TBC1D9: variants seen among roughly 807,000 people sequenced by gnomAD.
The protein encoded by TBC1D9 is TBC1 domain family member 9, also known as TBC1 domain family member 9A.
A neutral mutation model predicts 132.0 loss-of-function variants in TBC1D9; 63 were observed. The observed-to-expected ratio is 0.48, with a 90% confidence interval of 0.39 to 0.59. The LOEUF is 0.59. Ranked by LOEUF, TBC1D9 falls within the 20% of genes least tolerant of loss-of-function variation. The pLI is 0.00. For missense variants in TBC1D9, 1,261 were observed against 1,592.7 expected, an observed-to-expected ratio of 0.79 and a Z score of 3.54; for synonymous variants, 610 against 609.9, an observed-to-expected ratio of 1.00 and a Z score of 0.00.
At chr4:140,691,015 C>T (rs1011001963) in intron 2 of TBC1D9, among the ~76,000 whole-genome samples, 1 of 152,156 alleles carries the variant, frequency 6.6e-6, no homozygotes, top group African/African-American at 2.4e-5. Flanking sequence ...ATATTTACTG[C>T]ACAAATGCAC....
At chr4:140,690,772 T>C (rs555482991) in intron 2 of TBC1D9, among the ~76,000 whole-genome samples, 4 of 152,164 alleles carry the variant, frequency 2.6e-5, no homozygotes, top group East Asian at 3.9e-4. Context: ...ACTCTAAAAG[T>C]AAAGGTCCTG....
intron 6 of TBC1D9, among the ~76,000 whole-genome samples, chr4:140,672,250 T>C (rs1272510943): frequency 6.7e-6 from 1 of 148,972 alleles, no homozygotes; most frequent in East Asian, 1.9e-4. Flanking sequence ...AAACATACAT[T>C]ATAGAATATT....
intron 13 of TBC1D9, among the ~76,000 whole-genome samples, chr4:140,652,908 C>G (rs897289987): frequency 1.3e-5 from 2 of 152,230 alleles, no homozygotes; most frequent in African/African-American, 4.8e-5. Context: ...ACACACTGGG[C>G]TGGGTCATCT....
chr4:140,626,468 A>C (rs2110963869), intron 18 of TBC1D9, among the ~76,000 whole-genome samples: 1 of 152,238 alleles, frequency 6.6e-6, no homozygotes, highest in East Asian at 1.9e-4. Flanking sequence ...TTACAGTCTA[A>C]AAGTAAGGTC....
chr4:140,686,216 A>G (rs1737776897), intron 3 of TBC1D9, 128 bp downstream of exon 3: 1 of 592,216 alleles, frequency 1.7e-6, no homozygotes, highest in South Asian at 2.3e-5. Context: ...AAGCAAATGC[A>G]GTAAAATGTT....
At chr4:140,699,031 T>C (rs1172790516) in intron 2 of TBC1D9, among the ~76,000 whole-genome samples, 1 of 152,176 alleles carries the variant, frequency 6.6e-6, no homozygotes, top group Non-Finnish European at 1.5e-5. Context: ...TGTCTTTATA[T>C]TTTTAGATCC....
At chr4:140,670,997 A>G in intron 6 of TBC1D9, 71 bp from the exon 7 acceptor site, 1 of 1,342,212 alleles carries the variant, frequency 7.5e-7, no homozygotes, top group Non-Finnish European at 1.1e-6. Context: ...ATGCAGCACT[A>G]AAGGAGGAAG....
At chr4:140,662,130 A>G in intron 9 of TBC1D9, 23 bp from the exon 10 acceptor site, 1 of 1,593,092 alleles carries the variant, frequency 6.3e-7, no homozygotes, top group Non-Finnish European at 8.6e-7. Context: ...CAACAGATAC[A>G]GTATCAAAAA....
At chr4:140,741,766 G>A (rs1379175468) in intron 1 of TBC1D9, among the ~76,000 whole-genome samples, 2 of 152,144 alleles carry the variant, frequency 1.3e-5, no homozygotes, top group African/African-American at 4.8e-5. Flanking sequence ...TCTCGCTAAA[G>A]CCTGCTATCT....
Position 140,622,451 on chromosome 4 carries a change from T to A in TBC1D9, c.3545A>T (p.Asp1182Val). ...CACCAGGACCGTGTCCTCTCCGATG[T>A]CCTCGCAGTGCAGCTTGTCCTCCTC... ...SHEEDKLHCE[D>V]IGEDTVLVRS... The change falls in exon 21 of 21, where the codon GAC (aspartate) becomes GTC (valine). Residue 1182 changes from aspartate to valine, a missense_variant. Asp to Val is a radical substitution (Grantham distance 152). Coordinates refer to ENST00000442267, the MANE Select transcript of TBC1D9 (RefSeq NM_015130.3). 6.2e-7 allele frequency: 1 copy of A among 1,613,980 alleles called. No individual in the cohort carries two copies. Among genetic ancestry groups the A allele is most frequent in the South Asian group, 1.1e-5 (1 of 91,084 alleles).
intron 3 of TBC1D9, among the ~76,000 whole-genome samples, chr4:140,681,444 G>A (rs1737701626): frequency 6.6e-6 from 1 of 152,160 alleles, no homozygotes; most frequent in African/African-American, 2.4e-5. Context: ...GTGGATGGCA[G>A]GAGAAAGGGC....
In TBC1D9 at chr4:140,634,146, C is replaced by T. The variant is rs563665831; in HGVS notation, c.2548G>A (p.Ala850Thr). 39 of 1,613,706 alleles carry T rather than the reference C, an allele frequency of 2.4e-5. No homozygotes were observed. Among genetic ancestry groups the T allele is most frequent in the Admixed American group, 1.0e-4 (6 of 59,998 alleles). ...AGGCTGGGGTCATGCCGGTCCAGCG[C>T]GTTGCTGCTCCCGCCCCAGTAGCAG... is the stretch of plus-strand genomic sequence containing the variant. ...TSCYWGGSSN[A>T]LDRHDPSLPY... The change falls in exon 16 of 21, where the codon GCG becomes ACG. Residue 850 changes from alanine (A) to threonine (T), a missense_variant. Ala to Thr is a moderately conservative substitution (Grantham distance 58). Around this residue, in one of 3 missense-constraint regions of TBC1D9, gnomAD observed 618 missense variants for 724.4 expected, o/e 0.85. Transcript: ENST00000442267.
chr4:140,712,119 T>A (rs1373375452), intron 1 of TBC1D9: 1 of 152,212 alleles, frequency 6.6e-6, no homozygotes, highest in Non-Finnish European at 1.5e-5. Context: ...GTTAGAAATC[T>A]TGTTGCTAGG....
At chr4:140,710,151 C>A (rs531153511) in intron 1 of TBC1D9, among the ~76,000 whole-genome samples, 1 of 152,108 alleles carries the variant, frequency 6.6e-6, no homozygotes, top group Non-Finnish European at 1.5e-5. Context: ...ACAATGCAAA[C>A]CAATATAAAA....
chr4:140,750,021 C>T (rs1243566047), intron 1 of TBC1D9, among the ~76,000 whole-genome samples: 1 of 151,966 alleles, frequency 6.6e-6, no homozygotes, highest in African/African-American at 2.4e-5. Context: ...ATCACTAGTA[C>T]ATTGATAAAA....
chr4:140,741,316 T>TG (rs1285947688), intron 1 of TBC1D9, among the ~76,000 whole-genome samples: 2 of 152,206 alleles, frequency 1.3e-5, no homozygotes, highest in African/African-American at 4.8e-5. Flanking sequence ...AGCTATCTCT[T>TG]GTGGGGGAAA....
At chr4:140,701,373 T>C (rs555310507) in intron 2 of TBC1D9, 131 bp downstream of exon 2, 2 of 673,982 alleles carry the variant, frequency 3.0e-6, no homozygotes, top group South Asian at 1.9e-5. Flanking sequence ...TGTGTTGAAA[T>C]GGCTACGGTT....
intron 1 of TBC1D9, among the ~76,000 whole-genome samples, chr4:140,715,153 C>A (rs1738315948): frequency 6.6e-6 from 1 of 152,108 alleles, no homozygotes; most frequent in African/African-American, 2.4e-5. Flanking sequence ...ACAAACAAAG[C>A]AAGTCTGTTT....
intron 11 of TBC1D9, among the ~76,000 whole-genome samples, chr4:140,658,797 C>T (rs370877193): frequency 8.7e-5 from 13 of 149,252 alleles, no homozygotes; most frequent in South Asian, 6.4e-4. Flanking sequence ...GGCGACAGAG[C>T]GAGATGGTCT....
Sources: allele counts gnomAD v4.1 joint callset (sites outside exome capture counted in the v4.1 genomes callset), GRCh38; gene constraint gnomAD v4.1.1; regional missense constraint gnomAD v4.1.1; transcripts MANE v1.5; gene names NCBI Gene and HGNC (gene_info 2026-07-23, HGNC 2026-07-21).